Variants in CDK13 observed in about 807,000 individuals in gnomAD.
CDK13 encodes the protein cyclin dependent kinase 13.
Under a neutral mutation model 137.6 loss-of-function variants are expected in CDK13, and 40 were observed. The observed-to-expected ratio is 0.29, with a 90% CI of 0.23 to 0.38. The LOEUF is 0.38. Ranked by LOEUF, CDK13 falls within the 10% of genes least tolerant of loss-of-function variation. The pLI is 1.00. For missense variants in CDK13, 1,704 were observed against 1,951.8 expected (o/e 0.87, Z 2.39); for synonymous variants, 869 against 760.1 (o/e 1.14, Z -2.36).
At position 40,088,257 on chromosome 7, in the gene CDK13, G is replaced by A; in HGVS notation, c.3161G>A (p.Ser1054Asn). 1 of 1,614,102 alleles carries A rather than the reference G, an allele frequency of 6.2e-7. No homozygotes were observed. The highest frequency in any genetic ancestry group is 1.1e-5 in the South Asian group (1 of 91,068). The change falls in exon 12 of 14, where the codon AGC (serine) becomes AAC (asparagine). Residue 1054 changes from serine to asparagine, a missense_variant. Around this residue, in one of 5 missense-constraint regions of CDK13, gnomAD observed 475 missense variants for 579.3 expected, o/e 0.82. Transcript: ENST00000181839. ...RKDLSLGLDD[S>N]RTNTPQGVLP... ...GACTTGTCTCTGGGCTTGGATGACA[G>A]CAGAACCAACACACCCCAGGGTGTG...
chr7:40,002,163 A>G, intron 5 of CDK13, 132 bp downstream of exon 5: 1 of 567,544 alleles, frequency 1.8e-6, no homozygotes, highest in Non-Finnish European at 3.0e-6. Flanking sequence ...TATATTTTTA[A>G]GTTTGGTAGA....
intron 5 of CDK13, among the ~76,000 whole-genome samples, chr7:40,040,382 T>C (rs933420330): frequency 1.3e-5 from 2 of 152,262 alleles, no homozygotes; most frequent in Non-Finnish European, 2.9e-5. Flanking sequence ...TTTTCTGTTT[T>C]ATTTCATGTT....
In CDK13 at chr7:40,021,403, G is replaced by A. The variant is rs138212815; in HGVS notation, c.2353+19372G>A. Among the ~76,000 whole-genome samples the A allele has an allele frequency of 9.0e-4, 137 of 152,060 alleles. 2 individuals carry two copies. The East Asian group carries it at 0.023, about 25-fold the overall frequency. ...TCCAGCTACTTGGGAGGCTGAGGCA[G>A]GAGAATCGCTTGAATCCAAGAGGTG... On this transcript the variant is annotated intron_variant, in intron 5 of 13. Coordinates refer to ENST00000181839, the MANE Select transcript of CDK13 (RefSeq NM_003718.5).
chr7:39,959,797 A>T (rs990927218), intron 1 of CDK13, among the ~76,000 whole-genome samples: 12 of 149,650 alleles, frequency 8.0e-5, no homozygotes, highest in African/African-American at 2.0e-4. Context: ...TTTTTTTTTT[A>T]AATTAACTTG....
intron 5 of CDK13, among the ~76,000 whole-genome samples, chr7:40,010,846 A>G (rs1784879420): frequency 6.6e-6 from 1 of 152,258 alleles, no homozygotes; most frequent in Non-Finnish European, 1.5e-5. Context: ...TAAAAGATGC[A>G]GAAATTGATT....
At chr7:39,982,565 G>C (rs1205317722) in intron 1 of CDK13, among the ~76,000 whole-genome samples, 10 of 152,098 alleles carry the variant, frequency 6.6e-5, no homozygotes, top group Non-Finnish European at 1.0e-4. Flanking sequence ...GGTATTTCTA[G>C]TTCTAGATCC....
chr7:40,058,808 T>C (rs1786078109), intron 7 of CDK13, among the ~76,000 whole-genome samples: 1 of 152,184 alleles, frequency 6.6e-6, no homozygotes, highest in African/African-American at 2.4e-5. Context: ...CCCAGATTTC[T>C]TTTGTAGGTT....
In CDK13 at chr7:39,988,166, C is replaced by A. The variant is rs1210166606; in HGVS notation, c.1779C>A (p.Ala593=). 1.9e-6 allele frequency: 3 copies of A among 1,613,950 alleles called. No individual in the cohort carries two copies. The highest frequency in any genetic ancestry group is 2.5e-6 in the Non-Finnish European group (3 of 1,179,990). Residue 593 remains alanine, a synonymous_variant, in exon 2 of 14, where the codon GCC becomes GCA. Coordinates refer to ENST00000181839, the MANE Select transcript of CDK13 (RefSeq NM_003718.5). ...AACCACTTACACCAAGCATAGGAGC[C>A]AAGGAGAAGGAGCAACATGTAGCTT... ...KTKPLTPSIG[A]KEKEQHVALV...
intron 5 of CDK13, among the ~76,000 whole-genome samples, chr7:40,025,077 T>C (rs1040153522): frequency 5.3e-5 from 8 of 152,198 alleles, no homozygotes; most frequent in Non-Finnish European, 2.9e-5. Context: ...AATGTTCATA[T>C]TTCACAAAGG....
chr7:40,054,154 A>G (rs962313956), intron 7 of CDK13, among the ~76,000 whole-genome samples: 9 of 152,106 alleles, frequency 5.9e-5, no homozygotes, highest in Non-Finnish European at 7.4e-5. Flanking sequence ...CTTTTTTAGT[A>G]AAGGGTCTGC....
rs552564067 is a variant in CDK13, at chr7:40,024,763, G to A, written c.2354-21073G>A. ...ACTGCAGCCTCCGCCTCCCGGGTTC[G>A]AGCGATTCCCCTGCGTCTACCTCCT... On this transcript the variant is annotated intron_variant, in intron 5 of 13. Coordinates refer to ENST00000181839, the MANE Select transcript of CDK13 (RefSeq NM_003718.5). 6.2e-3 allele frequency among the ~76,000 whole-genome samples: 908 copies of A among 145,664 alleles called. 5 individuals are homozygous for A. The highest frequency in any genetic ancestry group is 9.7e-3 in the Non-Finnish European group (649 of 66,932).
Position 40,095,063 on chromosome 7 carries a change from GAAT to G in CDK13, c.*93_*95del, listed in dbSNP as rs1406898633. On this transcript the variant is annotated 3_prime_UTR_variant, in exon 14 of 14. Transcript: ENST00000181839. ...TTTAAGGCAGCAATCCAAGAGACTT[GAAT>G]AATAATAATTCAACAACAGCTTTAT... 3.5e-5 allele frequency: 41 copies of G among 1,162,360 alleles called. No individual in the cohort carries two copies. Among genetic ancestry groups the G allele is most frequent in the Non-Finnish European group, 4.2e-5 (37 of 882,216 alleles). The allele number at this position is 1,162,360 out of a possible 1,614,324, so 72.0% of individuals were successfully genotyped here. A position where few individuals can be genotyped will look rare whatever the true frequency, so the allele number is the denominator to read the frequency against.
At chr7:40,022,579 G>A (rs1315293571) in intron 5 of CDK13, among the ~76,000 whole-genome samples, 3 of 151,984 alleles carry the variant, frequency 2.0e-5, no homozygotes, top group African/African-American at 7.3e-5. Flanking sequence ...AATAGACAAG[G>A]TAGACCCTAT....
At chr7:40,010,998 A>G (rs543631848) in intron 5 of CDK13, among the ~76,000 whole-genome samples, 2 of 152,342 alleles carry the variant, frequency 1.3e-5, no homozygotes, top group South Asian at 4.1e-4. Context: ...ATTGAAAGAA[A>G]TTGAAGACAA....
rs1787170668 is a variant in CDK13 at position 39,951,196 on chromosome 7, C to G, written c.555C>G (p.Ser185=). The G allele has an allele frequency of 8.0e-7, 1 of 1,250,340 alleles. No individual in the cohort carries two copies. Among genetic ancestry groups the G allele is most frequent in the Admixed American group, 4.2e-5 (1 of 23,578 alleles). 77.5% of individuals were successfully genotyped at this position (1,250,340 alleles called of 1,614,324 possible). A position where few individuals can be genotyped will look rare whatever the true frequency, so the allele number is the denominator to read the frequency against. Residue 185 remains serine, a synonymous_variant, in exon 1 of 14, where the codon TCC becomes TCG. Transcript: ENST00000181839. ...GGSGGSPASS[S]GTQRRGEGSE... is the part of the protein sequence containing the mutation. The stretch of plus-strand genomic sequence containing the variant: ...GCGGCGGGAGTCCGGCCTCCTCCTC[C>G]GGCACCCAGCGGCGCGGGGAGGGGT...
At chr7:40,057,877 AGGG>A (rs758986708) in intron 7 of CDK13, among the ~76,000 whole-genome samples, 18 of 151,560 alleles carry the variant, frequency 1.2e-4, no homozygotes, top group African/African-American at 4.2e-4. Context: ...GAGTTCAAAT[AGGG>A]GGAAAGAACA....
At chr7:40,086,438 CT>C (rs1786789588) in intron 11 of CDK13, among the ~76,000 whole-genome samples, 2 of 152,194 alleles carry the variant, frequency 1.3e-5, no homozygotes, top group African/African-American at 4.8e-5. Context: ...GTTTATTCAC[CT>C]TTCTAAGCCT....
intron 2 of CDK13, among the ~76,000 whole-genome samples, chr7:39,989,373 A>G (rs1583953623): frequency 1.3e-5 from 2 of 151,508 alleles, no homozygotes; most frequent in South Asian, 4.2e-4. Flanking sequence ...TTAAAAAGCA[A>G]CTATATGAGT....
intron 12 of CDK13, among the ~76,000 whole-genome samples, chr7:40,089,085 ATG>A (rs140567334): frequency 8.8e-5 from 13 of 148,444 alleles, no homozygotes; most frequent in East Asian, 4.1e-4. Flanking sequence ...ATCTCAAAAT[ATG>A]TGTGTGTGTG....
Sources: allele counts gnomAD v4.1 joint callset (sites outside exome capture counted in the v4.1 genomes callset), GRCh38; gene constraint gnomAD v4.1.1; regional missense constraint gnomAD v4.1.1; transcripts MANE v1.5; gene names NCBI Gene and HGNC (gene_info 2026-07-23, HGNC 2026-07-21).